Variants in PGM5 observed in about 807,000 individuals in gnomAD.
PGM5 encodes phosphoglucomutase 5.
Under a neutral mutation model 59.2 loss-of-function variants are expected in PGM5, and 23 were observed. The observed-to-expected ratio is 0.39, with a 90% CI of 0.28 to 0.55. The LOEUF (loss-of-function observed/expected upper bound fraction) is 0.55, where lower values mean the gene tolerates loss of function less well. Among genes scored for constraint, PGM5 ranks in the 20% least tolerant of loss-of-function variants. The pLI is 0.66. For missense variants in PGM5, 574 were observed against 748.3 expected (o/e 0.77, Z 2.72); for synonymous variants, 214 against 286.0 (o/e 0.75, Z 2.54).
At chr9:68,475,770 C>T (rs1824092752) in intron 7 of PGM5, among the ~76,000 whole-genome samples, 1 of 152,154 alleles carries the variant, frequency 6.6e-6, no homozygotes, top group South Asian at 2.1e-4. Context: ...ATTTTGTCTA[C>T]CCACAAGGTT....
At chr9:68,402,049 G>C (rs1286644548) in intron 6 of PGM5, among the ~76,000 whole-genome samples, 54 of 152,190 alleles carry the variant, frequency 3.5e-4, no homozygotes, top group African/African-American at 1.3e-3. Context: ...GATCACTTGA[G>C]GTCAGGAGTT....
At chr9:68,429,668 T>C (rs1823309727) in intron 6 of PGM5, among the ~76,000 whole-genome samples, 1 of 152,222 alleles carries the variant, frequency 6.6e-6, no homozygotes, top group South Asian at 2.1e-4. Context: ...AATTTTTCAT[T>C]GATTCCTACC....
chr9:68,452,643 C>T (rs1414888496), intron 6 of PGM5, among the ~76,000 whole-genome samples: 1 of 152,184 alleles, frequency 6.6e-6, no homozygotes, highest in African/African-American at 2.4e-5. Flanking sequence ...AACCCCAGAA[C>T]AAGACTGCTC....
intron 1 of PGM5, among the ~76,000 whole-genome samples, chr9:68,370,350 C>T (rs1821660753): frequency 1.3e-5 from 2 of 152,190 alleles, no homozygotes; most frequent in South Asian, 2.1e-4. Context: ...ACATTTCACA[C>T]ATGAAAGAAA....
intron 10 of PGM5, among the ~76,000 whole-genome samples, chr9:68,527,046 G>A (rs1267826694): frequency 6.6e-6 from 1 of 152,204 alleles, no homozygotes; most frequent in Non-Finnish European, 1.5e-5. Flanking sequence ...GTGAGCTACG[G>A]ACGTGAGTCA....
intron 1 of PGM5, among the ~76,000 whole-genome samples, chr9:68,366,904 G>A (rs1554676747): frequency 1.3e-5 from 2 of 152,126 alleles, no homozygotes; most frequent in African/African-American, 2.4e-5. Flanking sequence ...AAAGAAGGAC[G>A]AGATCATGTG....
At chr9:68,376,765 ATTTCTTTCTTTCTTTCTTTC>A (rs71353048) in intron 1 of PGM5, among the ~76,000 whole-genome samples, 2,332 of 96,772 alleles carry the variant, frequency 0.024, 56 homozygotes, top group Middle Eastern at 0.036. Context: ...GAGGTTCTGC[ATTTCTTTCTTTCTTTCTTTC>A]TTTCTTTCTT....
intron 6 of PGM5, among the ~76,000 whole-genome samples, chr9:68,401,408 C>A (rs565175859): frequency 6.6e-6 from 1 of 152,178 alleles, no homozygotes; most frequent in South Asian, 2.1e-4. Flanking sequence ...CTTTGATACT[C>A]AGATTCTGTC....
In PGM5 at chr9:68,391,404, T is replaced by A. The variant is rs1181078035; in HGVS notation, c.698-130T>A. 7 of 726,150 alleles carry A rather than the reference T, an allele frequency of 9.6e-6. No homozygotes were observed. The African/African-American group carries it at 1.3e-4, about 13-fold the overall frequency. The allele number at this position is 726,150 out of a possible 1,614,324, so 45.0% of individuals were successfully genotyped here. ...CAAGCAAATATTGTTCTATATTGTA[T>A]CTTTAAAACGATTGTAAATTTATGT... On this transcript the variant is annotated intron_variant, in intron 4 of 10. Coordinates refer to ENST00000396396, the MANE Select transcript of PGM5 (RefSeq NM_021965.4).
At chr9:68,428,617 T>C (rs945287256) in intron 6 of PGM5, 5 of 152,166 alleles carry the variant, frequency 3.3e-5, no homozygotes, top group Non-Finnish European at 7.3e-5. Context: ...TATGGAAATA[T>C]ATATCTGAGG....
At chr9:68,495,768 A>G (rs1554688105) in intron 9 of PGM5, among the ~76,000 whole-genome samples, 1 of 152,258 alleles carries the variant, frequency 6.6e-6, no homozygotes, top group African/African-American at 2.4e-5. Context: ...AACAATCTAC[A>G]TAAACATAAT....
At chr9:68,526,004 C>T (rs920468280) in intron 10 of PGM5, among the ~76,000 whole-genome samples, 5 of 151,178 alleles carry the variant, frequency 3.3e-5, no homozygotes, top group African/African-American at 1.2e-4. Flanking sequence ...TGCAGTGAGC[C>T]AAGATCGCGC....
intron 6 of PGM5, among the ~76,000 whole-genome samples, chr9:68,404,121 G>GTTGTT (rs1266954338): frequency 1.2e-4 from 18 of 152,058 alleles, no homozygotes; most frequent in East Asian, 3.9e-4. Context: ...CCTTCTAGAG[G>GTTGTT]TTGTTTTGTT....
rs1587218195 is a variant in PGM5 at position 68,499,048 on chromosome 9, G to A, written c.1480-179G>A. 3 of 631,092 alleles carry A rather than the reference G, an allele frequency of 4.8e-6. No individual in the cohort carries two copies. In the South Asian group the frequency reaches 6.1e-5, roughly 13 times the overall value. The allele number at this position is 631,092 out of a possible 1,614,324, so 39.1% of individuals were successfully genotyped here. Reference sequence around the variant, plus strand: ...GGAAATAGAATAAAGAGACAAATGGGTAACTCTAAGTAGGTTCATCACATT... The same window carrying A: ...GGAAATAGAATAAAGAGACAAATGGATAACTCTAAGTAGGTTCATCACATT... On this transcript the variant is annotated intron_variant, in intron 9 of 10. Coordinates refer to ENST00000396396, the MANE Select transcript of PGM5 (RefSeq NM_021965.4).
intron 6 of PGM5, among the ~76,000 whole-genome samples, chr9:68,440,958 C>T (rs1320977956): frequency 1.3e-5 from 2 of 151,954 alleles, no homozygotes; most frequent in Admixed American, 6.6e-5. Flanking sequence ...AAATTATAAA[C>T]ATCAGGAGTA....
At chr9:68,488,458 C>T (rs528131726) in intron 9 of PGM5, among the ~76,000 whole-genome samples, 1 of 152,360 alleles carries the variant, frequency 6.6e-6, no homozygotes, top group South Asian at 2.1e-4. Context: ...CCACTACTGC[C>T]AACCCTGCTG....
chr9:68,478,000 G>A (rs1432761898), intron 7 of PGM5, among the ~76,000 whole-genome samples: 10 of 152,190 alleles, frequency 6.6e-5, no homozygotes, highest in African/African-American at 2.4e-4. Flanking sequence ...GAGGCTCAGG[G>A]GAATTAATGA....
chr9:68,468,019 C>CCCTT (rs781972158), intron 7 of PGM5, among the ~76,000 whole-genome samples: 2 of 149,578 alleles, frequency 1.3e-5, no homozygotes, highest in African/African-American at 2.5e-5. Flanking sequence ...AACCCACCCT[C>CCCTT]CCTTCCTTCC....
At chr9:68,527,139 T>A (rs940435705) in intron 10 of PGM5, among the ~76,000 whole-genome samples, 1 of 152,186 alleles carries the variant, frequency 6.6e-6, no homozygotes, top group South Asian at 2.1e-4. Context: ...CTCTGGTGTT[T>A]ACAGTATTTG....
Sources: gnomAD v4.1 joint callset for allele counts (sites outside exome capture counted in the v4.1 genomes callset) on GRCh38, gnomAD v4.1.1 for gene constraint, MANE v1.5 for transcripts, NCBI Gene and HGNC (gene_info 2026-07-23, HGNC 2026-07-21) for gene names.